The following TRIM14 variants were observed in gnomAD, a reference collection of about 807,000 sequenced individuals.
The protein encoded by TRIM14 is tripartite motif-containing protein 14.
A neutral mutation model predicts 44.5 loss-of-function variants in TRIM14; 28 were observed. That is an observed-to-expected ratio of 0.63 (90% CI 0.47 to 0.86). TRIM14 has a LOEUF of 0.86. TRIM14 is among the 40% of genes least tolerant of loss of function. TRIM14 has a pLI of 0.00. For missense variants in TRIM14, 607 were observed against 611.1 expected (o/e 0.99, Z 0.07); for synonymous variants, 299 against 269.2 (o/e 1.11, Z -1.08).
chr9:98,072,165 G>A (rs76692437), intron 6 of TRIM14, among the ~76,000 whole-genome samples: 4,064 of 152,232 alleles, frequency 0.027, 92 homozygotes, highest in South Asian at 0.037. Context: ...AGTGGCCCCC[G>A]TCTGTAAAAA....
At chr9:98,036,151 C>G in the TRIM14 span, among the ~76,000 whole-genome samples, 3 of 150,586 alleles carry the variant, frequency 2.0e-5, no homozygotes, top group Admixed American at 6.6e-5. Flanking sequence ...GAGCAGAGAT[C>G]GTGCCATTGC....
At chr9:98,078,293 G>A (rs1410034982) in intron 6 of TRIM14, 1 of 1,614,084 alleles carries the variant, frequency 6.2e-7, no homozygotes, top group East Asian at 2.2e-5. Flanking sequence ...GCTTCTTGCA[G>A]TGTACCAGCG....
At chr9:98,079,284 C>T (rs758710472) in intron 6 of TRIM14, among the ~76,000 whole-genome samples, 6 of 152,226 alleles carry the variant, frequency 3.9e-5, no homozygotes, top group East Asian at 3.9e-4. Context: ...TAACTTTATT[C>T]GAAAATATGT....
chr9:98,055,932 G>T, the TRIM14 span, among the ~76,000 whole-genome samples: 1 of 151,914 alleles, frequency 6.6e-6, no homozygotes, highest in Non-Finnish European at 1.5e-5. Context: ...TAGAGACGGG[G>T]TTTCTCCATA....
rs1829608816 is a variant in TRIM14, at chr9:98,076,738, A to C, written c.*29-7051T>G. The C allele has an allele frequency of 1.0e-5, 6 of 582,968 alleles. No individual in the cohort carries two copies. In the South Asian group the frequency reaches 1.3e-4, roughly 13 times the overall value. 36.1% of individuals were successfully genotyped at this position (582,968 alleles called of 1,614,324 possible). On this transcript the variant is annotated intron_variant, in intron 6 of 6. Coordinates refer to the TRIM14 transcript ENST00000375098. ...TGGGCTAATGGATGGGTGGATGCAA[A>C]TGAATGTTTGCATTTGAATGAAATG...
the TRIM14 span, chr9:98,056,665 G>T: frequency 7.8e-7 from 1 of 1,284,164 alleles, no homozygotes. Flanking sequence ...GGGGCCTAGG[G>T]GATTGGCTGC....
At chr9:98,101,274 C>T (rs1224855483) in intron 2 of TRIM14, among the ~76,000 whole-genome samples, 1 of 151,970 alleles carries the variant, frequency 6.6e-6, no homozygotes, top group South Asian at 2.1e-4. Flanking sequence ...CATGCCCAGC[C>T]CAGAAAATAG....
In TRIM14 at chr9:98,094,863, T is replaced by G. The variant is rs769767430; in HGVS notation, c.700+4A>C. ...GACACAAAGTTGGTCACTCGGCGAC[T>G]TACTTTCCTTAAGGCGAATGTCCAA... is the stretch of plus-strand genomic sequence containing the variant. On this transcript the variant is annotated splice_donor_region_variant and intron_variant, in intron 4 of 5. Coordinates refer to ENST00000341469, the MANE Select transcript of TRIM14 (RefSeq NM_014788.4). The G allele has an allele frequency of 6.2e-7, 1 of 1,613,100 alleles. No individual in the cohort carries two copies. The highest frequency in any genetic ancestry group is 2.2e-5 in the East Asian group (1 of 44,852).
chr9:98,042,149 C>T, the TRIM14 span, among the ~76,000 whole-genome samples: 458 of 151,300 alleles, frequency 3.0e-3, 6 homozygotes, highest in Middle Eastern at 0.01. Flanking sequence ...AAAAATTAGC[C>T]GGGCGTGGTG....
the TRIM14 span, among the ~76,000 whole-genome samples, chr9:98,055,684 G>A: frequency 6.6e-6 from 1 of 151,964 alleles, no homozygotes; most frequent in Admixed American, 6.6e-5. Context: ...CTAGTTCCCA[G>A]GAAAGAAGGA....
At chr9:98,082,617 T>C (rs1356677809), downstream of TRIM14, among the ~76,000 whole-genome samples, 1 of 152,198 alleles carries the variant, frequency 6.6e-6, no homozygotes, top group Non-Finnish European at 1.5e-5. Context: ...CCTCAGCCCT[T>C]TCCTTTGCAC....
intron 5 of TRIM14, among the ~76,000 whole-genome samples, chr9:98,090,386 A>C (rs955101322): frequency 1.3e-5 from 2 of 152,242 alleles, no homozygotes; most frequent in African/African-American, 2.4e-5. Context: ...ACTAACCTAT[A>C]GTCCTAGAAG....
At chr9:98,060,821 C>T in the TRIM14 span, 3 of 1,614,142 alleles carry the variant, frequency 1.9e-6, no homozygotes, top group Non-Finnish European at 2.5e-6. Context: ...GAAGAGTGAG[C>T]TAGAATTCAA....
chr9:98,081,171 C>G, downstream of TRIM14: 2 of 1,534,670 alleles, frequency 1.3e-6, no homozygotes, highest in Non-Finnish European at 1.8e-6. Context: ...ACCAGCCCTC[C>G]CTGAGCCAGG....
chr9:98,089,836 C>T (rs1467955808), intron 5 of TRIM14, among the ~76,000 whole-genome samples: 3 of 152,148 alleles, frequency 2.0e-5, no homozygotes, highest in Non-Finnish European at 4.4e-5. Context: ...CTGCTTTCTG[C>T]CCCAAAAGTG....
the TRIM14 span, among the ~76,000 whole-genome samples, chr9:98,046,887 C>G: frequency 6.6e-6 from 1 of 152,176 alleles, no homozygotes. Context: ...GGATTAGGCA[C>G]GTACAGGACC....
At chr9:98,075,476 A>C (rs1203738722) in intron 6 of TRIM14, 7 of 141,334 alleles carry the variant, frequency 5.0e-5, no homozygotes, top group Admixed American at 2.8e-4. Context: ...GGGAGGAAGG[A>C]AGGGAGGGAG....
Position 98,087,660 on chromosome 9 carries a change from C to T in TRIM14, c.1139G>A (p.Ser380Asn). Reference protein sequence around the residue: ...EYWAFHDGQRSRLRPRDDLDR... With the variant: ...EYWAFHDGQRNRLRPRDDLDR... ...GAGGTCGTCGCGGGGCCGCAGGCGGCTGCGCTGGCCGTCGTGGAAGGCCCA... is the reference window on the plus strand; with the variant it reads ...GAGGTCGTCGCGGGGCCGCAGGCGGTTGCGCTGGCCGTCGTGGAAGGCCCA... Residue 380 changes from serine (S) to asparagine (N), a missense_variant, in exon 6 of 6, where the codon AGC (serine) becomes AAC (asparagine). By Grantham distance (46) the Ser-to-Asn change is conservative. Around this residue, in one of 3 missense-constraint regions of TRIM14, gnomAD observed 356 missense variants for 323.0 expected, o/e 1.10. Transcript: ENST00000341469. 1 of 1,603,432 alleles carries T rather than the reference C, an allele frequency of 6.2e-7. No individual in the cohort carries two copies.
At chr9:98,040,920 G>A in the TRIM14 span, among the ~76,000 whole-genome samples, 1 of 152,228 alleles carries the variant, frequency 6.6e-6, no homozygotes, top group Admixed American at 6.5e-5. Flanking sequence ...CTCCCAAAGT[G>A]TTGGGATTAC....
Sources: allele counts gnomAD v4.1 joint callset (sites outside exome capture counted in the v4.1 genomes callset), GRCh38; gene constraint gnomAD v4.1.1; regional missense constraint gnomAD v4.1.1; transcripts MANE v1.5; gene names NCBI Gene and HGNC (gene_info 2026-07-23, HGNC 2026-07-21).